The following ASIC2 variants were observed in gnomAD, a reference collection of about 807,000 sequenced individuals.
ASIC2 encodes the protein acid-sensing ion channel 2.
In ASIC2, 25 loss-of-function variants were observed where a neutral mutation model predicts 57.3. That is an observed-to-expected ratio of 0.44 (90% CI 0.32 to 0.61). The LOEUF is 0.61. Among genes scored for constraint, ASIC2 ranks in the 20% least tolerant of loss-of-function variants. The probability of loss-of-function intolerance (pLI) is 0.06; values close to 1 mark genes in which losing one functional copy is unlikely to be tolerated. For missense variants in ASIC2, 641 were observed against 738.1 expected (o/e 0.87, Z 1.52); for synonymous variants, 319 against 307.5 (o/e 1.04, Z -0.39).
chr17:33,500,901 T>C (rs533848652), intron 1 of ASIC2, among the ~76,000 whole-genome samples: 4 of 152,386 alleles, frequency 2.6e-5, no homozygotes, highest in African/African-American at 9.6e-5. Context: ...TCCTTGTATG[T>C]GAATGTGTTT....
intron 1 of ASIC2, among the ~76,000 whole-genome samples, chr17:33,664,861 A>G (rs996351999): frequency 1.3e-5 from 2 of 152,208 alleles, no homozygotes; most frequent in Non-Finnish European, 2.9e-5. Context: ...GATGTGAGCA[A>G]TGCAAGCACA....
Position 33,458,059 on chromosome 17 carries a change from G to A in ASIC2, c.556-345992C>T, listed in dbSNP as rs150000353. Among the ~76,000 whole-genome samples the A allele has an allele frequency of 6.3e-5, 9 of 142,642 alleles. No individual in the cohort carries two copies. The East Asian group carries it at 7.9e-4, about 13-fold the overall frequency. 93.6% of individuals were successfully genotyped at this position (142,642 alleles called of 152,430 possible). ...TCTGACAGGGGTGATTGCTGAAGTC[G>A]TCATAGCTGAGGCGTCTTTGGGGCT... On this transcript the variant is annotated intron_variant, in intron 1 of 9. Transcript: ENST00000359872.
intron 1 of ASIC2, among the ~76,000 whole-genome samples, chr17:33,870,380 AAAT>A (rs147425514): frequency 0.11 from 17,125 of 151,518 alleles, 1,166 homozygotes; most frequent in Admixed American, 0.17. Flanking sequence ...GCTTAGACAA[AAAT>A]AATAATAATA....
intron 1 of ASIC2, among the ~76,000 whole-genome samples, chr17:33,313,751 C>T (rs944047787): frequency 1.3e-5 from 2 of 152,116 alleles, no homozygotes; most frequent in Admixed American, 1.3e-4. Flanking sequence ...TTACACATGC[C>T]GTTTGAAGAA....
intron 1 of ASIC2, among the ~76,000 whole-genome samples, chr17:33,372,558 T>C (rs1909113828): frequency 6.6e-6 from 1 of 152,148 alleles, no homozygotes; most frequent in Non-Finnish European, 1.5e-5. Context: ...TTCTCCCTAC[T>C]TGGCTGCTGG....
intron 1 of ASIC2, among the ~76,000 whole-genome samples, chr17:33,364,701 GAACCATGAGCTGATTA>G (rs1450554140): frequency 6.6e-6 from 1 of 152,116 alleles, no homozygotes; most frequent in Non-Finnish European, 1.5e-5. Context: ...ACAGCCTGTG[GAACCATGAGCTGATTA>G]AACCTCTTTT....
intron 1 of ASIC2, among the ~76,000 whole-genome samples, chr17:33,760,444 T>C (rs1411970214): frequency 2.0e-5 from 3 of 152,064 alleles, no homozygotes; most frequent in Non-Finnish European, 4.4e-5. Context: ...TAGCCAGATT[T>C]TATAAAGCAA....
chr17:33,784,360 A>G lies in ASIC2; in HGVS notation c.555+371618T>C, dbSNP rs77743164. On this transcript the variant is annotated intron_variant, in intron 1 of 9. Transcript: ENST00000359872. ...GAGTCTTTAGAGGAGAAGCCTAGGA[A>G]TTTGCATTTTGAACAATCTCCCTAC... Among the ~76,000 whole-genome samples, 1,083 of 152,258 alleles carry G rather than the reference A, an allele frequency of 7.1e-3. 15 individuals are homozygous for G. The highest frequency in any genetic ancestry group is 0.025 in the African/African-American group (1,032 of 41,558).
intron 1 of ASIC2, among the ~76,000 whole-genome samples, chr17:33,272,494 A>G (rs1445630458): frequency 6.6e-6 from 1 of 152,176 alleles, no homozygotes; most frequent in Non-Finnish European, 1.5e-5. Context: ...TTTACTGAGC[A>G]CCTATTTTTT....
At chr17:33,479,797 G>A (rs150758529) in intron 1 of ASIC2, among the ~76,000 whole-genome samples, 203 of 152,286 alleles carry the variant, frequency 1.3e-3, no homozygotes, top group African/African-American at 4.8e-3. Flanking sequence ...ATCTGAGCAA[G>A]GCCCTGTGCC....
intron 1 of ASIC2, among the ~76,000 whole-genome samples, chr17:33,883,472 T>C (rs1274167334): frequency 6.6e-6 from 1 of 152,140 alleles, no homozygotes; most frequent in Non-Finnish European, 1.5e-5. Context: ...ATCTGTAGAC[T>C]CATCAGATAC....
At chr17:33,014,893 T>A (rs2091797697) in intron 9 of ASIC2, among the ~76,000 whole-genome samples, 1 of 152,158 alleles carries the variant, frequency 6.6e-6, no homozygotes. Context: ...CTCACTGAAC[T>A]CGGATGACAG....
rs144211858 is a variant in ASIC2 at position 33,896,260 on chromosome 17, G to A, written c.555+259718C>T. ...TGTGTCTTTTCTTCTTGGTTAGAATGTTCCTTCCCCAAGGATGGCATCTTG... is the reference window on the plus strand; with the variant it reads ...TGTGTCTTTTCTTCTTGGTTAGAATATTCCTTCCCCAAGGATGGCATCTTG... On this transcript the variant is annotated intron_variant, in intron 1 of 9. Transcript: ENST00000359872. Among the ~76,000 whole-genome samples the A allele has an allele frequency of 1.6e-3, 250 of 152,340 alleles. 6 individuals are homozygous for A. The South Asian group carries it at 0.036, about 22-fold the overall frequency.
chr17:33,761,617 G>A (rs528552712), intron 1 of ASIC2, among the ~76,000 whole-genome samples: 3 of 152,186 alleles, frequency 2.0e-5, no homozygotes, highest in East Asian at 1.9e-4. Flanking sequence ...TGGCTCATGT[G>A]GTCCAGGCTG....
At chr17:33,726,043 C>A (rs1233505332) in intron 1 of ASIC2, among the ~76,000 whole-genome samples, 2 of 152,190 alleles carry the variant, frequency 1.3e-5, no homozygotes, top group African/African-American at 4.8e-5. Context: ...TCTCTCAAGA[C>A]TCTCACCTTT....
At chr17:33,851,100 A>G (rs1913751795) in intron 1 of ASIC2, among the ~76,000 whole-genome samples, 2 of 152,208 alleles carry the variant, frequency 1.3e-5, no homozygotes, top group Non-Finnish European at 1.5e-5. Context: ...CAAAGGGGTC[A>G]GGTAGGGGGA....
chr17:33,546,186 CATATGT>C (rs917616245), intron 1 of ASIC2, among the ~76,000 whole-genome samples: 3 of 149,844 alleles, frequency 2.0e-5, no homozygotes, highest in Admixed American at 6.7e-5. Flanking sequence ...AATATATATA[CATATGT>C]ATATGTATAT....
chr17:33,407,854 T>G (rs917638932), intron 1 of ASIC2, among the ~76,000 whole-genome samples: 45 of 152,290 alleles, frequency 3.0e-4, no homozygotes, highest in African/African-American at 1.1e-3. Context: ...CAGGTCAACT[T>G]AGGTATTGGA....
intron 1 of ASIC2, among the ~76,000 whole-genome samples, chr17:33,963,974 CT>C (rs1377582401): frequency 1.3e-5 from 2 of 152,210 alleles, no homozygotes; most frequent in African/African-American, 4.8e-5. Flanking sequence ...CATTTGTTTT[CT>C]TTGAGCTTCA....
Sources: gnomAD v4.1 joint callset for allele counts (sites outside exome capture counted in the v4.1 genomes callset) on GRCh38, gnomAD v4.1.1 for gene constraint, MANE v1.5 for transcripts, NCBI Gene and HGNC (gene_info 2026-07-23, HGNC 2026-07-21) for gene names.